Variants in ZNF737 observed in about 807,000 individuals in gnomAD.
ZNF737 encodes zinc finger protein 102 (Y3).
A neutral mutation model predicts 11.7 loss-of-function variants in ZNF737; 13 were observed. The observed-to-expected ratio is 1.11, with a 90% CI of 0.73 to 1.77. ZNF737 has a LOEUF of 1.77. ZNF737 is among the 40% of genes most tolerant of loss of function. ZNF737 has a pLI of 0.00. For missense variants in ZNF737, 636 were observed against 638.0 expected (o/e 1.00, Z 0.03); for synonymous variants, 217 against 216.2 (o/e 1.00, Z -0.03).
chr19:20,530,890 A>T (rs1967809345), downstream of ZNF737, among the ~76,000 whole-genome samples: 1 of 147,718 alleles, frequency 6.8e-6, no homozygotes, highest in Admixed American at 6.7e-5. Flanking sequence ...TGGGAGGTGG[A>T]GGTTGTAGCG....
downstream of ZNF737, among the ~76,000 whole-genome samples, chr19:20,532,288 A>G (rs1442666307): frequency 1.3e-5 from 2 of 150,108 alleles, no homozygotes; most frequent in African/African-American, 2.5e-5. Context: ...GCTGATTGCA[A>G]TCACCTGGTT....
intron 3 of ZNF737, 85 bp downstream of exon 3, chr19:20,552,390 A>T (rs7250860): frequency 0.4 from 380,835 of 950,768 alleles, 78,916 homozygotes; most frequent in Admixed American, 0.51. Flanking sequence ...AGCTTCCCAA[A>T]TCACACTTTA....
chr19:20,549,042 T>C (rs369907930), intron 3 of ZNF737, among the ~76,000 whole-genome samples: 6 of 137,214 alleles, frequency 4.4e-5, no homozygotes, highest in African/African-American at 1.7e-4. Context: ...CAAAAGCAAA[T>C]ATATATTCAT....
At position 20,542,372 on chromosome 19, in the gene ZNF737, G is replaced by T; in HGVS notation, c.*2220C>A. The T allele has an allele frequency of 3.1e-6, 1 of 317,970 alleles. No homozygotes were observed. The highest frequency in any genetic ancestry group is 4.5e-6 in the Non-Finnish European group (1 of 220,112). 19.7% of individuals were successfully genotyped at this position (317,970 alleles called of 1,614,324 possible). A position where few individuals can be genotyped will look rare whatever the true frequency, so the allele number is the denominator to read the frequency against. On this transcript the variant is annotated 3_prime_UTR_variant, in exon 4 of 4. Transcript: ENST00000427401. ...GCCTCCTGAGTAGCTGAGATTACAGGCATGCACCACCATGCCTGGCTAATT... is the reference window on the plus strand; with the variant it reads ...GCCTCCTGAGTAGCTGAGATTACAGTCATGCACCACCATGCCTGGCTAATT...
At position 20,540,474 on chromosome 19, in the gene ZNF737, T is replaced by A. The variant is rs1021513110; in HGVS notation, c.*4118A>T. On this transcript the variant is annotated 3_prime_UTR_variant, in exon 4 of 4. Transcript: ENST00000427401. The stretch of plus-strand genomic sequence containing the variant: ...CCACCTAAATAAATGTTTAAAATCA[T>A]CTTTTGCTGGGCACGGTGGCTCATG... Among the ~76,000 whole-genome samples, 1 of 152,104 alleles carries A rather than the reference T, an allele frequency of 6.6e-6. No homozygotes were observed.
chr19:20,560,217 C>G lies in ZNF737; in HGVS notation c.3+5421G>C, dbSNP rs573052837. On this transcript the variant is annotated intron_variant, in intron 1 of 3. Transcript: ENST00000427401. ...AAAAAATTGGCCAGGTGTGGTAATG[C>G]CCGCGTGTAGTCCAAGCTACTTGGG... is the stretch of plus-strand genomic sequence containing the variant. Among the ~76,000 whole-genome samples the G allele has an allele frequency of 1.0e-3, 152 of 150,770 alleles. 2 individuals are homozygous for G. The highest frequency in any genetic ancestry group is 8.7e-4 in the Non-Finnish European group (59 of 67,794).
downstream of ZNF737, among the ~76,000 whole-genome samples, chr19:20,533,646 A>G (rs1967883098): frequency 6.7e-6 from 1 of 150,258 alleles, no homozygotes. Context: ...ATAAAGGTTC[A>G]GCTTCAGGTT....
downstream of ZNF737, among the ~76,000 whole-genome samples, chr19:20,535,174 A>G (rs1967927533): frequency 6.6e-6 from 1 of 152,102 alleles, no homozygotes. Flanking sequence ...GCTACTCAGG[A>G]GGCTTAGGCA....
At chr19:20,557,618 AT>A (rs34710395) in intron 1 of ZNF737, among the ~76,000 whole-genome samples, 2,695 of 144,322 alleles carry the variant, frequency 0.019, 61 homozygotes, top group African/African-American at 0.06. Flanking sequence ...TTCTAGGGTA[AT>A]TTTTTTTTTT....
rs1968434241 is a variant in ZNF737 at position 20,545,810 on chromosome 19, A to C, written c.393T>G (p.Asn131Lys). Residue 131 changes from asparagine to lysine, a missense_variant, in exon 4 of 4, where the codon AAT (asparagine) becomes AAG (lysine). Physicochemically the swap from Asn to Lys is moderately conservative, Grantham distance 94 (BLOSUM62 0). Transcript: ENST00000427401. ...DECKVHKRGYNGLNQYLTTTQ... is the reference protein window; with the variant it reads ...DECKVHKRGYKGLNQYLTTTQ... ...TAGTTGTCAAATATTGGTTAAGTCC[A>C]TTATAACCTCTTTTGTGCACCTTAC... 6.2e-7 allele frequency: 1 copy of C among 1,613,512 alleles called. No individual in the cohort carries two copies. Among genetic ancestry groups the C allele is most frequent in the African/African-American group, 1.3e-5 (1 of 75,006 alleles).
rs181659855 is a variant in ZNF737 at position 20,543,637 on chromosome 19, G to C, written c.*955C>G. 9.1e-6 allele frequency: 9 copies of C among 985,346 alleles called. No homozygotes were observed. In the African/African-American group the frequency reaches 1.6e-4, roughly 17 times the overall value. The allele number at this position is 985,346 out of a possible 1,614,324, so 61.0% of individuals were successfully genotyped here. On this transcript the variant is annotated 3_prime_UTR_variant, in exon 4 of 4. Transcript: ENST00000427401. ...CTTCACACTTGTAGGAGTTTTGCCA[G>C]TATGAATTATCCAACCTACAATCAA... is the stretch of plus-strand genomic sequence containing the variant.
rs1339265163 is a variant in ZNF737 at position 20,542,836 on chromosome 19, CAT to C, written c.*1754_*1755del. Reference sequence around the variant, plus strand: ...AAGCCACTGATCACATGCTTTCTCACATGTGAATAGAAATAAAATAACAGCAT... The same window carrying C: ...AAGCCACTGATCACATGCTTTCTCACGTGAATAGAAATAAAATAACAGCAT... On this transcript the variant is annotated 3_prime_UTR_variant, in exon 4 of 4. Coordinates refer to ENST00000427401, the MANE Select transcript of ZNF737 (RefSeq NM_001159293.2). 13 of 985,202 alleles carry C rather than the reference CAT, an allele frequency of 1.3e-5. No individual in the cohort carries two copies. Among genetic ancestry groups the C allele is most frequent in the Admixed American group, 1.2e-4 (2 of 16,266 alleles). 61.0% of individuals were successfully genotyped at this position (985,202 alleles called of 1,614,324 possible).
In ZNF737 at chr19:20,557,551, G is replaced by GC. The variant is rs1226919556; in HGVS notation, c.4-3717dup. On this transcript the variant is annotated intron_variant, in intron 1 of 3. Transcript: ENST00000427401. ...GTAATTTTAGTATTTTCTAGCCACT[G>GC]CCCTGTCAACTTTGTACTACATTCT... Among the ~76,000 whole-genome samples, 12 of 149,402 alleles carry GC rather than the reference G, an allele frequency of 8.0e-5. No homozygotes were observed. The South Asian group carries it at 1.9e-3, about 24-fold the overall frequency.
chr19:20,543,623 TAGG>T lies in ZNF737; in HGVS notation c.*966_*968del, dbSNP rs1198135063. On this transcript the variant is annotated 3_prime_UTR_variant, in exon 4 of 4. Coordinates refer to ENST00000427401, the MANE Select transcript of ZNF737 (RefSeq NM_001159293.2). ...AGTTTTGCCACATTCTTCACACTTG[TAGG>T]AGTTTTGCCAGTATGAATTATCCAA... 2.7e-5 allele frequency: 27 copies of T among 985,414 alleles called. No homozygotes were observed. Among genetic ancestry groups the T allele is most frequent in the East Asian group, 1.1e-4 (1 of 8,830 alleles). 61.0% of individuals were successfully genotyped at this position (985,414 alleles called of 1,614,324 possible). A position where few individuals can be genotyped will look rare whatever the true frequency, so the allele number is the denominator to read the frequency against.
intron 3 of ZNF737, among the ~76,000 whole-genome samples, chr19:20,548,184 C>T (rs1370409096): frequency 6.6e-6 from 1 of 151,882 alleles, no homozygotes. Flanking sequence ...ATATGCAACA[C>T]AGGACCTGGA....
At chr19:20,560,548 A>G (rs1456505665) in intron 1 of ZNF737, among the ~76,000 whole-genome samples, 6 of 152,156 alleles carry the variant, frequency 3.9e-5, no homozygotes, top group Non-Finnish European at 5.9e-5. Context: ...TGGGAGGCCA[A>G]TGTAGGTTGA....
chr19:20,541,170 A>C lies in ZNF737; in HGVS notation c.*3422T>G. The C allele has an allele frequency of 1.0e-6, 1 of 982,864 alleles. No homozygotes were observed. Among genetic ancestry groups the C allele is most frequent in the Non-Finnish European group, 1.2e-6 (1 of 827,660 alleles). The allele number at this position is 982,864 out of a possible 1,614,324, so 60.9% of individuals were successfully genotyped here. On this transcript the variant is annotated 3_prime_UTR_variant, in exon 4 of 4. Coordinates refer to ENST00000427401, the MANE Select transcript of ZNF737 (RefSeq NM_001159293.2). Reference sequence around the variant, plus strand: ...TATAGATTTGCTTTCACCATTTTAAAAGTGTTTAGTTTTGTTAATCACCTA... The same window carrying C: ...TATAGATTTGCTTTCACCATTTTAACAGTGTTTAGTTTTGTTAATCACCTA...
At chr19:20,558,032 A>G (rs1246649241) in intron 1 of ZNF737, among the ~76,000 whole-genome samples, 3 of 152,100 alleles carry the variant, frequency 2.0e-5, no homozygotes, top group Non-Finnish European at 4.4e-5. Flanking sequence ...TGGGAGGATG[A>G]TGTGGGTGGA....
In ZNF737 at chr19:20,539,192, A is replaced by C. The variant is rs1188085618; in HGVS notation, c.*5400T>G. The C allele has an allele frequency of 1.5e-6, 1 of 660,506 alleles. No homozygotes were observed. The allele number at this position is 660,506 out of a possible 1,614,324, so 40.9% of individuals were successfully genotyped here. A position where few individuals can be genotyped will look rare whatever the true frequency, so the allele number is the denominator to read the frequency against. On this transcript the variant is annotated 3_prime_UTR_variant, in exon 4 of 4. Transcript: ENST00000427401. ...GTTATCCCAGCTACTCAGGAGGCTG[A>C]GGCGGAAGAATCACTTGAACCAGGG...
Sources: gnomAD v4.1 joint callset for allele counts (sites outside exome capture counted in the v4.1 genomes callset) on GRCh38, gnomAD v4.1.1 for gene constraint, MANE v1.5 for transcripts, NCBI Gene and HGNC (gene_info 2026-07-23, HGNC 2026-07-21) for gene names.